The following WWOX variants were observed in gnomAD, a reference collection of about 807,000 sequenced individuals.
WWOX encodes the protein WW domain-containing oxidoreductase.
A neutral mutation model predicts 46.2 loss-of-function variants in WWOX; 69 were observed. That is an observed-to-expected ratio of 1.49 (90% CI 1.23 to 1.82). The LOEUF (loss-of-function observed/expected upper bound fraction) is 1.82. WWOX is among the 40% of genes most tolerant of loss of function. The pLI is 0.00. For missense variants in WWOX, 919 were observed against 542.6 expected, an observed-to-expected ratio of 1.69 and a Z score of -6.89; for synonymous variants, 359 against 202.6, an observed-to-expected ratio of 1.77 and a Z score of -6.56.
In WWOX at chr16:78,571,239, G is replaced by C. The variant is rs146299641; in HGVS notation, c.1056+138487G>C. On this transcript the variant is annotated intron_variant, in intron 8 of 8. Transcript: ENST00000566780. Reference sequence around the variant, plus strand: ...ATGTATCAATTTTTGTAAATGTGTTGCTTAAATAGATTTTTATGAGCCAGT... The same window carrying C: ...ATGTATCAATTTTTGTAAATGTGTTCCTTAAATAGATTTTTATGAGCCAGT... Among the ~76,000 whole-genome samples the C allele has an allele frequency of 2.0e-4, 31 of 152,198 alleles. No homozygotes were observed. The East Asian group carries it at 4.8e-3, about 24-fold the overall frequency.
chr16:78,395,494 A>C (rs548662658), intron 6 of WWOX, among the ~76,000 whole-genome samples: 8 of 152,268 alleles, frequency 5.3e-5, no homozygotes, highest in African/African-American at 1.9e-4. Context: ...CCTGGGCAAC[A>C]GAGCCAGAAC....
At chr16:78,436,078 C>G (rs531469700) in intron 8 of WWOX, among the ~76,000 whole-genome samples, 1 of 152,174 alleles carries the variant, frequency 6.6e-6, no homozygotes, top group African/African-American at 2.4e-5. Flanking sequence ...AGAGCGTGGT[C>G]AAATGACATG....
intron 8 of WWOX, among the ~76,000 whole-genome samples, chr16:78,660,846 T>C (rs1238826713): frequency 6.6e-6 from 1 of 152,220 alleles, no homozygotes; most frequent in Non-Finnish European, 1.5e-5. Context: ...TTGGCTATGT[T>C]TTGTTTATTA....
chr16:78,824,069 T>C (rs1046049017), intron 8 of WWOX, among the ~76,000 whole-genome samples: 3 of 152,186 alleles, frequency 2.0e-5, no homozygotes, highest in African/African-American at 7.2e-5. Flanking sequence ...TGAATCCAAA[T>C]TTTATTTTTC....
At chr16:78,995,713 C>G (rs1359208451) in intron 8 of WWOX, among the ~76,000 whole-genome samples, 1 of 152,160 alleles carries the variant, frequency 6.6e-6, no homozygotes, top group African/African-American at 2.4e-5. Flanking sequence ...TGAAGAACAG[C>G]AGTGACATTC....
chr16:79,091,625 G>C (rs890076431), intron 8 of WWOX, among the ~76,000 whole-genome samples: 1 of 152,120 alleles, frequency 6.6e-6, no homozygotes, highest in South Asian at 2.1e-4. Flanking sequence ...CAGTTTTAAA[G>C]TACCCTCGGG....
At chr16:78,761,418 G>T (rs905253368) in intron 8 of WWOX, among the ~76,000 whole-genome samples, 1 of 152,082 alleles carries the variant, frequency 6.6e-6, no homozygotes, top group African/African-American at 2.4e-5. Context: ...TACCTGTTTA[G>T]TGCCCTCTCG....
chr16:78,554,514 C>G (rs183988397), intron 8 of WWOX, among the ~76,000 whole-genome samples: 3 of 152,140 alleles, frequency 2.0e-5, no homozygotes, highest in Admixed American at 6.5e-5. Context: ...CACATATATG[C>G]ACAGTAATAG....
intron 8 of WWOX, among the ~76,000 whole-genome samples, chr16:79,042,007 T>A (rs1379238557): frequency 1.3e-5 from 2 of 152,140 alleles, no homozygotes; most frequent in African/African-American, 2.4e-5. Context: ...ATGTAAAATG[T>A]ATATACCTTC....
chr16:78,147,989 C>G (rs2034266753), intron 4 of WWOX, among the ~76,000 whole-genome samples: 1 of 147,628 alleles, frequency 6.8e-6, no homozygotes, highest in African/African-American at 2.5e-5. Flanking sequence ...CCTGCTTGCT[C>G]TAAATCATAA....
At chr16:78,597,802 C>G (rs1225887337) in intron 8 of WWOX, among the ~76,000 whole-genome samples, 2 of 150,098 alleles carry the variant, frequency 1.3e-5, no homozygotes, top group Admixed American at 1.3e-4. Flanking sequence ...CATGAATATA[C>G]TGAATGCTAA....
At chr16:78,387,781 T>A (rs1281976194) in intron 6 of WWOX, among the ~76,000 whole-genome samples, 1 of 152,206 alleles carries the variant, frequency 6.6e-6, no homozygotes, top group African/African-American at 2.4e-5. Flanking sequence ...TAACTTCATT[T>A]ATTTTTTTTC....
At chr16:78,262,168 TAGTACCAGTTGGTTGTAAGTG>T (rs2079260485) in intron 5 of WWOX, among the ~76,000 whole-genome samples, 1 of 141,476 alleles carries the variant, frequency 7.1e-6, no homozygotes, top group African/African-American at 2.7e-5. Flanking sequence ...GAATTACAAA[TAGTACCAGTTGGTTGTAAGTG>T]GATTTAAAAT....
At chr16:79,088,698 G>C (rs1181601752) in intron 8 of WWOX, among the ~76,000 whole-genome samples, 1 of 152,140 alleles carries the variant, frequency 6.6e-6, no homozygotes, top group Non-Finnish European at 1.5e-5. Context: ...TGTCAAATAT[G>C]TGGTCCATAT....
At position 78,737,880 on chromosome 16, in the gene WWOX, C is replaced by T. The variant is rs185262892; in HGVS notation, c.1056+305128C>T. ...GGCCACTTTATTCCCTCACCGATCCCTTCCAAAGGCCATGAGTTCCCAGTC... is the reference window on the plus strand; with the variant it reads ...GGCCACTTTATTCCCTCACCGATCCTTTCCAAAGGCCATGAGTTCCCAGTC... On this transcript the variant is annotated intron_variant, in intron 8 of 8. Coordinates refer to ENST00000566780, the MANE Select transcript of WWOX (RefSeq NM_016373.4). 1.3e-4 allele frequency among the ~76,000 whole-genome samples: 20 copies of T among 152,264 alleles called. No homozygotes were observed. In the East Asian group the frequency reaches 3.5e-3, roughly 27 times the overall value.
At chr16:79,048,956 A>C (rs558747679) in intron 8 of WWOX, among the ~76,000 whole-genome samples, 7 of 152,172 alleles carry the variant, frequency 4.6e-5, no homozygotes, top group Non-Finnish European at 7.4e-5. Context: ...ACAGGTGTCC[A>C]CTGGAGTCAT....
At chr16:78,818,589 G>T (rs2051406678) in intron 8 of WWOX, among the ~76,000 whole-genome samples, 1 of 152,116 alleles carries the variant, frequency 6.6e-6, no homozygotes, top group Admixed American at 6.5e-5. Context: ...AAATCGGCTG[G>T]GCATGGTGGT....
chr16:78,431,400 C>G (rs1396090041), intron 7 of WWOX, among the ~76,000 whole-genome samples: 1 of 152,108 alleles, frequency 6.6e-6, no homozygotes, highest in Non-Finnish European at 1.5e-5. Context: ...TTGGAGACAA[C>G]AAGACTCATC....
chr16:78,494,870 G>C lies in WWOX; in HGVS notation c.1056+62118G>C, dbSNP rs144697958. ...GTAAGAGGCTGATGTTCATCGCACA[G>C]TGACAGCCCATTCGGAGGGTTTTAG... On this transcript the variant is annotated intron_variant, in intron 8 of 8. Coordinates refer to ENST00000566780, the MANE Select transcript of WWOX (RefSeq NM_016373.4). Among the ~76,000 whole-genome samples, 23 of 152,292 alleles carry C rather than the reference G, an allele frequency of 1.5e-4. No homozygotes were observed. In the East Asian group the frequency reaches 4.3e-3, roughly 28 times the overall value.
Sources: gnomAD v4.1 joint callset for allele counts (sites outside exome capture counted in the v4.1 genomes callset) on GRCh38, gnomAD v4.1.1 for gene constraint, MANE v1.5 for transcripts, NCBI Gene and HGNC (gene_info 2026-07-23, HGNC 2026-07-21) for gene names.